Variants in RSPH14 observed in about 807,000 individuals in gnomAD.
RSPH14 encodes the protein rhabdoid tumor deletion region gene 1.
A neutral mutation model predicts 26.7 loss-of-function variants in RSPH14; 20 were observed. The ratio of observed to expected loss-of-function variants is 0.75; its 90% confidence interval spans 0.53 to 1.09. RSPH14 has a LOEUF of 1.09. Ranked by LOEUF, RSPH14 falls within the 50% of genes least tolerant of loss-of-function variation. RSPH14 has a pLI of 0.00. For missense variants in RSPH14, 449 were observed against 457.2 expected (o/e 0.98, Z 0.16); for synonymous variants, 177 against 189.3 (o/e 0.93, Z 0.53).
At chr22:23,118,822 CAAT>C (rs1208524298) in intron 4 of RSPH14, among the ~76,000 whole-genome samples, 1 of 152,240 alleles carries the variant, frequency 6.6e-6, no homozygotes, top group East Asian at 1.9e-4. Context: ...TGCAGCAGGA[CAAT>C]GTTTAACCCT....
At chr22:23,120,445 T>C (rs1407807026) in intron 4 of RSPH14, among the ~76,000 whole-genome samples, 1 of 152,184 alleles carries the variant, frequency 6.6e-6, no homozygotes, top group Non-Finnish European at 1.5e-5. Context: ...AGAGGACCAG[T>C]CTGGTTTAGA....
chr22:23,088,011 C>T (rs193088266), intron 4 of RSPH14, among the ~76,000 whole-genome samples: 10 of 152,284 alleles, frequency 6.6e-5, no homozygotes, highest in Admixed American at 3.9e-4. Flanking sequence ...GGGCTGTTAC[C>T]GTCTTTGTTT....
intron 4 of RSPH14, among the ~76,000 whole-genome samples, chr22:23,072,077 T>TGGGG (rs1396018972): frequency 2.1e-4 from 32 of 152,106 alleles, no homozygotes; most frequent in Non-Finnish European, 4.3e-4. Flanking sequence ...GGAGAAGAGC[T>TGGGG]AGCTTTAAAG....
At chr22:23,074,773 G>A (rs913803842) in intron 4 of RSPH14, among the ~76,000 whole-genome samples, 7 of 152,134 alleles carry the variant, frequency 4.6e-5, no homozygotes, top group South Asian at 4.2e-4. Context: ...GGAGAAGAGC[G>A]GGTCCCAGAG....
intron 4 of RSPH14, among the ~76,000 whole-genome samples, chr22:23,106,276 G>T (rs559812312): frequency 6.6e-6 from 1 of 152,368 alleles, no homozygotes; most frequent in East Asian, 1.9e-4. Context: ...GGTAAGGGGG[G>T]TGGCGCCTTG....
In RSPH14 at chr22:23,135,952, T is replaced by C. The variant is rs375134262; in HGVS notation, c.303-1808A>G. ...TGCCCACAGGAAGTGCCCAACCAGC[T>C]GTGCCACTGCGGCATTTATTATAAA... On this transcript the variant is annotated intron_variant, in intron 3 of 6. Transcript: ENST00000216036. 1,192 of 153,586 alleles carry C rather than the reference T, an allele frequency of 7.8e-3. 17 individuals carry two copies. The highest frequency in any genetic ancestry group is 0.026 in the African/African-American group (1,100 of 41,586). The allele number at this position is 153,586 out of a possible 1,614,324, so 9.5% of individuals were successfully genotyped here.
chr22:23,151,385 G>A, the RSPH14 span, among the ~76,000 whole-genome samples: 5 of 152,120 alleles, frequency 3.3e-5, no homozygotes, highest in African/African-American at 1.2e-4. Context: ...GAGTCAGAAC[G>A]AAAGGGCCCT....
chr22:23,088,401 G>A (rs1012178269), intron 4 of RSPH14, among the ~76,000 whole-genome samples: 43 of 152,182 alleles, frequency 2.8e-4, no homozygotes, highest in African/African-American at 9.7e-4. Context: ...CTGTCACTGC[G>A]CGGGCCTCCT....
At chr22:23,077,882 T>C (rs2068549831) in intron 4 of RSPH14, among the ~76,000 whole-genome samples, 1 of 152,186 alleles carries the variant, frequency 6.6e-6, no homozygotes, top group African/African-American at 2.4e-5. Flanking sequence ...CTACTCCTCT[T>C]GCACCCCCAC....
the RSPH14 span, among the ~76,000 whole-genome samples, chr22:23,172,247 AC>A: frequency 6.6e-6 from 1 of 152,014 alleles, no homozygotes; most frequent in Non-Finnish European, 1.5e-5. Flanking sequence ...GTGCAGTGGC[AC>A]TATCATGGCT....
At chr22:23,067,999 A>T (rs2068248870) in intron 4 of RSPH14, among the ~76,000 whole-genome samples, 1 of 152,138 alleles carries the variant, frequency 6.6e-6, no homozygotes, top group African/African-American at 2.4e-5. Context: ...GGCAATTAAA[A>T]ACTTCTCCTC....
At chr22:23,090,409 A>G (rs1452375686) in intron 4 of RSPH14, among the ~76,000 whole-genome samples, 1 of 151,884 alleles carries the variant, frequency 6.6e-6, no homozygotes, top group East Asian at 1.9e-4. Context: ...CTCCCCTTTT[A>G]TCACCTGGAT....
the RSPH14 span, among the ~76,000 whole-genome samples, chr22:23,178,340 C>T: frequency 4.0e-5 from 6 of 151,458 alleles, no homozygotes; most frequent in African/African-American, 1.2e-4. Context: ...CACTTGAACC[C>T]AGGAGGCAGA....
chr22:23,145,262 A>AAAC, upstream of RSPH14: 1 of 223,678 alleles, frequency 4.5e-6, no homozygotes. Context: ...CCGCCCACCC[A>AAAC]TCCAGCACCG....
intron 4 of RSPH14, among the ~76,000 whole-genome samples, chr22:23,079,629 GC>G (rs1420382598): frequency 6.6e-6 from 1 of 152,242 alleles, no homozygotes; most frequent in East Asian, 1.9e-4. Context: ...TTACAAGGAT[GC>G]CCCTGGCTGC....
chr22:23,090,689 C>T (rs2068947227), intron 4 of RSPH14, among the ~76,000 whole-genome samples: 2 of 152,300 alleles, frequency 1.3e-5, no homozygotes, highest in Admixed American at 1.3e-4. Context: ...CCTGTTCATA[C>T]TCATCTCTTA....
At chr22:23,152,537 T>A in the RSPH14 span, 2 of 1,613,818 alleles carry the variant, frequency 1.2e-6, no homozygotes, top group Non-Finnish European at 1.7e-6. Flanking sequence ...GTACAAGGCT[T>A]CCTCTGCCCC....
upstream of RSPH14, among the ~76,000 whole-genome samples, chr22:23,142,725 A>C (rs79862190): frequency 4.1e-3 from 632 of 152,294 alleles, 7 homozygotes; most frequent in African/African-American, 0.014. Flanking sequence ...CCTGGTAATG[A>C]CAAAGGTTAG....
In RSPH14 at chr22:23,128,136, A is replaced by G. The variant is rs138741368; in HGVS notation, c.421+5890T>C. 6.3e-3 allele frequency among the ~76,000 whole-genome samples: 955 copies of G among 152,312 alleles called. 9 individuals carry two copies. The highest frequency in any genetic ancestry group is 0.01 in the Non-Finnish European group (695 of 68,010). Reference sequence around the variant, plus strand: ...CCAGTCAGGACCAGTGGGATGGTAGAGGGATACTTCCGGGGGACCCTGAGC... The same window carrying G: ...CCAGTCAGGACCAGTGGGATGGTAGGGGGATACTTCCGGGGGACCCTGAGC... On this transcript the variant is annotated intron_variant, in intron 4 of 6. Transcript: ENST00000216036.
Sources: allele counts gnomAD v4.1 joint callset (sites outside exome capture counted in the v4.1 genomes callset), GRCh38; gene constraint gnomAD v4.1.1; transcripts MANE v1.5; gene names NCBI Gene and HGNC (gene_info 2026-07-23, HGNC 2026-07-21).